The following DENND1A variants were observed in gnomAD, a reference collection of about 807,000 sequenced individuals.
The protein encoded by DENND1A is DENN domain containing 1A, also known as DENN domain-containing protein 1A.
In DENND1A, 51 loss-of-function variants were observed where a neutral mutation model predicts 113.7. That is an observed-to-expected ratio of 0.45 (90% CI 0.36 to 0.57). DENND1A has a LOEUF of 0.57. Ranked by LOEUF, DENND1A falls within the 20% of genes least tolerant of loss-of-function variation. The pLI is 0.00. For missense variants in DENND1A, 1,258 were observed against 1,395.9 expected (o/e 0.90, Z 1.57); for synonymous variants, 565 against 570.8 (o/e 0.99, Z 0.14).
chr9:123,584,155 C>T (rs1241976350), intron 11 of DENND1A, among the ~76,000 whole-genome samples: 4 of 152,216 alleles, frequency 2.6e-5, no homozygotes, highest in African/African-American at 9.7e-5. Flanking sequence ...AAGCGTATTC[C>T]TTTTGAGTCA....
chr9:123,626,084 C>T (rs987886065), intron 10 of DENND1A, among the ~76,000 whole-genome samples: 40 of 151,768 alleles, frequency 2.6e-4, no homozygotes, highest in Non-Finnish European at 3.5e-4. Flanking sequence ...GTGGAGATGG[C>T]GATCTCACAA....
At chr9:123,789,426 TA>T (rs1832678859) in intron 3 of DENND1A, among the ~76,000 whole-genome samples, 1 of 152,146 alleles carries the variant, frequency 6.6e-6, no homozygotes, top group Admixed American at 6.6e-5. Flanking sequence ...AACATTTTAA[TA>T]AAACGTGTTG....
In DENND1A at chr9:123,757,697, C is replaced by T. The variant is rs759528965; in HGVS notation, c.302+6G>A. 1.9e-6 allele frequency: 3 copies of T among 1,613,722 alleles called. No individual in the cohort carries two copies. Among genetic ancestry groups the T allele is most frequent in the Non-Finnish European group, 2.5e-6 (3 of 1,179,850 alleles). On this transcript the variant is annotated splice_donor_region_variant and intron_variant, in intron 5 of 23. Transcript: ENST00000394215. Reference sequence around the variant, plus strand: ...ACAAGCCAACAGCCCAAGCCTTCTCCCTTACCTTAAGATACAGAAGCAGCT... The same window carrying T: ...ACAAGCCAACAGCCCAAGCCTTCTCTCTTACCTTAAGATACAGAAGCAGCT...
chr9:123,523,891 T>C (rs931314653), intron 13 of DENND1A, among the ~76,000 whole-genome samples: 1 of 152,192 alleles, frequency 6.6e-6, no homozygotes, highest in Admixed American at 6.5e-5. Context: ...TGAGTTTCTA[T>C]GAGGTGATCA....
chr9:123,402,480 T>C lies in DENND1A; in HGVS notation c.1631+922A>G, dbSNP rs780094954. ...GGGACCTGCCATGTCCCTTACCTTC[T>C]TTCCCATTTTCTGAGAGCCAGACAG... On this transcript the variant is annotated intron_variant, in intron 21 of 23. Coordinates refer to ENST00000394215, the MANE Select transcript of DENND1A (RefSeq NM_001352964.2). 9 of 534,592 alleles carry C rather than the reference T, an allele frequency of 1.7e-5. No individual in the cohort carries two copies. The African/African-American group carries it at 1.7e-4, about 10-fold the overall frequency. 33.1% of individuals were successfully genotyped at this position (534,592 alleles called of 1,614,324 possible).
intron 5 of DENND1A, among the ~76,000 whole-genome samples, chr9:123,686,354 C>T (rs1024722564): frequency 6.6e-6 from 1 of 152,150 alleles, no homozygotes; most frequent in African/African-American, 2.4e-5. Context: ...CTAAACAGTA[C>T]AATAGTAGTA....
chr9:123,735,538 C>T (rs139580781), intron 5 of DENND1A, among the ~76,000 whole-genome samples: 78 of 152,292 alleles, frequency 5.1e-4, no homozygotes, highest in African/African-American at 1.6e-3. Flanking sequence ...ATGATTTCCT[C>T]AGGTCGTCCG....
At chr9:123,388,875 GGT>G (rs1184710295) in intron 21 of DENND1A, among the ~76,000 whole-genome samples, 1 of 152,280 alleles carries the variant, frequency 6.6e-6, no homozygotes, top group Non-Finnish European at 1.5e-5. Flanking sequence ...GAGCCTGCTT[GGT>G]GTGAGCAGAC....
intron 5 of DENND1A, among the ~76,000 whole-genome samples, chr9:123,715,733 T>C (rs1461833046): frequency 6.6e-6 from 1 of 152,142 alleles, no homozygotes; most frequent in Non-Finnish European, 1.5e-5. Flanking sequence ...TGGCCCAGCA[T>C]GGAGTGTGGT....
chr9:123,479,248 C>T (rs2050147347), intron 13 of DENND1A, among the ~76,000 whole-genome samples: 1 of 152,196 alleles, frequency 6.6e-6, no homozygotes, highest in Non-Finnish European at 1.5e-5. Context: ...CCTCTGTCAC[C>T]TGCCACCTTT....
intron 13 of DENND1A, 149 bp downstream of exon 13, chr9:123,557,421 G>T: frequency 8.5e-7 from 1 of 1,174,488 alleles, no homozygotes; most frequent in Admixed American, 2.5e-5. Context: ...GTATGGCAAG[G>T]GGAGTACACT....
intron 13 of DENND1A, among the ~76,000 whole-genome samples, chr9:123,552,203 C>T (rs990495768): frequency 1.3e-5 from 2 of 152,150 alleles, no homozygotes; most frequent in East Asian, 1.9e-4. Flanking sequence ...AGGCAGGCCA[C>T]GGACTGGAGC....
chr9:123,660,233 G>A (rs1011875025), intron 8 of DENND1A, among the ~76,000 whole-genome samples: 1 of 152,114 alleles, frequency 6.6e-6, no homozygotes, highest in African/African-American at 2.4e-5. Flanking sequence ...AAGCATGTAC[G>A]GTAGGAGTCT....
chr9:123,834,932 T>C (rs1320255421), intron 2 of DENND1A, among the ~76,000 whole-genome samples: 3 of 152,176 alleles, frequency 2.0e-5, no homozygotes, highest in Non-Finnish European at 2.9e-5. Flanking sequence ...TTTCATGAGA[T>C]ATGAATGACA....
At chr9:123,691,771 A>G (rs1233531470) in intron 5 of DENND1A, among the ~76,000 whole-genome samples, 10 of 152,166 alleles carry the variant, frequency 6.6e-5, no homozygotes, top group Non-Finnish European at 1.5e-4. Flanking sequence ...GGAATCAGAT[A>G]AACTCAACAA....
At chr9:123,412,187 A>G (rs2044358963) in intron 19 of DENND1A, among the ~76,000 whole-genome samples, 1 of 152,112 alleles carries the variant, frequency 6.6e-6, no homozygotes, top group African/African-American at 2.4e-5. Context: ...TCAAGGCTAG[A>G]GGCTGGCACT....
At chr9:123,476,588 T>C (rs1348015513) in intron 13 of DENND1A, among the ~76,000 whole-genome samples, 1 of 152,232 alleles carries the variant, frequency 6.6e-6, no homozygotes, top group African/African-American at 2.4e-5. Flanking sequence ...TGCCCGTTCC[T>C]GGGCCATGGG....
At chr9:123,732,393 G>T (rs952401808) in intron 5 of DENND1A, among the ~76,000 whole-genome samples, 1 of 152,200 alleles carries the variant, frequency 6.6e-6, no homozygotes, top group Admixed American at 6.5e-5. Context: ...CACCAACATG[G>T]ATGGATCTCA....
At chr9:123,406,071 C>T (rs2043824835) in intron 20 of DENND1A, among the ~76,000 whole-genome samples, 1 of 152,156 alleles carries the variant, frequency 6.6e-6, no homozygotes, top group Non-Finnish European at 1.5e-5. Context: ...GAACATCGTA[C>T]CCCCCACCCC....
Sources: allele counts gnomAD v4.1 joint callset (sites outside exome capture counted in the v4.1 genomes callset), GRCh38; gene constraint gnomAD v4.1.1; transcripts MANE v1.5; gene names NCBI Gene and HGNC (gene_info 2026-07-23, HGNC 2026-07-21).